ASB3: variants seen among roughly 807,000 people sequenced by gnomAD.
The protein encoded by ASB3 is ankyrin repeat and SOCS box containing 3.
In ASB3, 41 loss-of-function variants were observed where a neutral mutation model predicts 54.5. That is an observed-to-expected ratio of 0.75 (90% CI 0.59 to 0.98). ASB3 has a LOEUF of 0.98. ASB3 is among the 50% of genes least tolerant of loss of function. The pLI, the probability that ASB3 is intolerant of heterozygous loss-of-function variation, is 0.00. For missense variants in ASB3, 733 were observed against 620.0 expected (o/e 1.18, Z -1.94); for synonymous variants, 266 against 221.2 (o/e 1.20, Z -1.80).
intron 9 of ASB3, 25 bp from the exon 10 acceptor site, chr2:53,670,715 G>T: frequency 6.3e-7 from 1 of 1,586,216 alleles, no homozygotes; most frequent in East Asian, 2.3e-5. Context: ...AAAGCAAGGT[G>T]AAACTTTTTT....
chr2:53,731,229 G>A (rs564109706), intron 3 of ASB3, among the ~76,000 whole-genome samples: 6 of 152,108 alleles, frequency 3.9e-5, no homozygotes, highest in South Asian at 4.1e-4. Context: ...GTGAAACCCC[G>A]TCTCTACTAA....
At chr2:53,721,622 C>T (rs1289461917) in intron 5 of ASB3, among the ~76,000 whole-genome samples, 3 of 151,732 alleles carry the variant, frequency 2.0e-5, no homozygotes, top group African/African-American at 7.3e-5. Context: ...TTTAAGTAAA[C>T]AATAAAATTA....
At chr2:53,727,225 C>T (rs572012141) in intron 5 of ASB3, among the ~76,000 whole-genome samples, 1 of 152,312 alleles carries the variant, frequency 6.6e-6, no homozygotes, top group East Asian at 1.9e-4. Flanking sequence ...GATTTACAGA[C>T]TCATTATTTA....
intron 8 of ASB3, among the ~76,000 whole-genome samples, chr2:53,696,820 A>G (rs1019995496): frequency 2.0e-5 from 3 of 152,240 alleles, no homozygotes; most frequent in African/African-American, 7.2e-5. Flanking sequence ...TAGAGATGAC[A>G]AAGTATATGG....
At chr2:53,690,517 AGGAAGCTGTAACAGCAT>A (rs1488380188) in intron 9 of ASB3, among the ~76,000 whole-genome samples, 1 of 152,160 alleles carries the variant, frequency 6.6e-6, no homozygotes, top group East Asian at 1.9e-4. Flanking sequence ...GACATTGTCT[AGGAAGCTGTAACAGCAT>A]CCAAGAAAAT....
chr2:53,714,822 G>T (rs990544768), intron 6 of ASB3, among the ~76,000 whole-genome samples: 6 of 152,068 alleles, frequency 3.9e-5, no homozygotes, highest in Non-Finnish European at 7.4e-5. Context: ...CAAAATTAAT[G>T]TTCCTATATG....
intron 3 of ASB3, among the ~76,000 whole-genome samples, chr2:53,746,705 C>T (rs1558556463): frequency 1.3e-5 from 2 of 152,146 alleles, no homozygotes; most frequent in South Asian, 4.1e-4. Flanking sequence ...GTCTCGAACC[C>T]CTGACCTCAG....
intron 2 of ASB3, among the ~76,000 whole-genome samples, chr2:53,760,438 A>G (rs1299618543): frequency 6.6e-6 from 1 of 152,186 alleles, no homozygotes; most frequent in Non-Finnish European, 1.5e-5. Flanking sequence ...TGAAGCCAAA[A>G]GAGTTGCAAG....
intron 1 of ASB3, among the ~76,000 whole-genome samples, chr2:53,783,943 A>G (rs909528668): frequency 6.6e-6 from 1 of 152,244 alleles, no homozygotes; most frequent in Non-Finnish European, 1.5e-5. Flanking sequence ...ATACAAAAAA[A>G]TCTCAGTAAA....
rs145424430 is a variant in ASB3, at chr2:53,774,424, A to G, written c.-13-8839T>C. ...ATATCTTTTTGAACTTGCAAATTCT[A>G]TTAGGAACCTTGTGCCAGAAGAAGC... is the stretch of plus-strand genomic sequence containing the variant. On this transcript the variant is annotated intron_variant, in intron 1 of 9. Transcript: ENST00000263634. The G allele has an allele frequency of 4.6e-4, 743 of 1,612,054 alleles. No individual in the cohort carries two copies. Among genetic ancestry groups the G allele is most frequent in the Admixed American group, 7.9e-4 (47 of 59,606 alleles).
chr2:53,680,982 G>A (rs953696383), intron 9 of ASB3, among the ~76,000 whole-genome samples: 9 of 151,912 alleles, frequency 5.9e-5, no homozygotes, highest in African/African-American at 2.2e-4. Context: ...AACATGCTAA[G>A]TTTGTCTTTC....
At chr2:53,721,398 C>CA (rs1195017138) in intron 5 of ASB3, among the ~76,000 whole-genome samples, 1,676 of 87,226 alleles carry the variant, frequency 0.019, 29 homozygotes, top group African/African-American at 0.042. Flanking sequence ...TACTAAACTA[C>CA]AAAAAAAAAA....
intron 2 of ASB3, among the ~76,000 whole-genome samples, chr2:53,758,580 C>T (rs1039810078): frequency 3.3e-5 from 5 of 152,200 alleles, no homozygotes; most frequent in Admixed American, 1.3e-4. Flanking sequence ...CAATATTGGG[C>T]ATGCTGGTAA....
At chr2:53,707,950 A>C (rs2103802239) in intron 7 of ASB3, among the ~76,000 whole-genome samples, 1 of 142,848 alleles carries the variant, frequency 7.0e-6, no homozygotes, top group East Asian at 2.0e-4. Context: ...TGATAGAGTC[A>C]GACTCTGTCT....
At chr2:53,712,825 C>G (rs114102734) in intron 7 of ASB3, among the ~76,000 whole-genome samples, 1 of 152,140 alleles carries the variant, frequency 6.6e-6, no homozygotes, top group South Asian at 2.1e-4. Flanking sequence ...AAGAAATGTT[C>G]AGTTCTGTAA....
At chr2:53,727,996 G>A (rs926442471) in intron 5 of ASB3, among the ~76,000 whole-genome samples, 14 of 152,030 alleles carry the variant, frequency 9.2e-5, no homozygotes, top group African/African-American at 3.1e-4. Context: ...AAAGTGCTGG[G>A]ATTACAGGCA....
At chr2:53,717,972 A>T (rs1670490648) in intron 5 of ASB3, among the ~76,000 whole-genome samples, 1 of 152,170 alleles carries the variant, frequency 6.6e-6, no homozygotes. Context: ...CTTTCAAACT[A>T]ACCCAGTCAG....
chr2:53,724,731 G>GAGAT (rs1558540727), intron 5 of ASB3, among the ~76,000 whole-genome samples: 1 of 152,028 alleles, frequency 6.6e-6, no homozygotes, highest in African/African-American at 2.4e-5. Context: ...AAACCACAAT[G>GAGAT]AGATATAATC....
At chr2:53,779,821 C>G (rs1294489327) in intron 1 of ASB3, among the ~76,000 whole-genome samples, 1 of 152,232 alleles carries the variant, frequency 6.6e-6, no homozygotes, top group Non-Finnish European at 1.5e-5. Context: ...GCTCCCTGAA[C>G]TACTTCTAAT....
Sources: allele counts gnomAD v4.1 joint callset (sites outside exome capture counted in the v4.1 genomes callset), GRCh38; gene constraint gnomAD v4.1.1; transcripts MANE v1.5; gene names NCBI Gene and HGNC (gene_info 2026-07-23, HGNC 2026-07-21).